Variants in SYNPO2 observed in about 807,000 individuals in gnomAD.
SYNPO2 encodes the protein synaptopodin-2.
Under a neutral mutation model 85.0 loss-of-function variants are expected in SYNPO2, and 56 were observed. That is an observed-to-expected ratio of 0.66 (90% CI 0.53 to 0.82). SYNPO2 has a LOEUF of 0.82. Among genes scored for constraint, SYNPO2 ranks in the 40% least tolerant of loss-of-function variants. The pLI, the probability that SYNPO2 is intolerant of heterozygous loss-of-function variation, is 0.00. For synonymous variants in SYNPO2, 602 were observed against 591.1 expected, an observed-to-expected ratio of 1.02 and a Z score of -0.27; for missense variants, 1,575 against 1,534.2, an observed-to-expected ratio of 1.03 and a Z score of -0.44.
At chr4:119,056,380 C>A (rs925719892) in intron 4 of SYNPO2, among the ~76,000 whole-genome samples, 2 of 151,684 alleles carry the variant, frequency 1.3e-5, no homozygotes, top group African/African-American at 2.4e-5. Flanking sequence ...ACAGGGAGAT[C>A]CTGTCTGTAA....
chr4:118,901,801 C>T (rs569787517), intron 1 of SYNPO2, among the ~76,000 whole-genome samples: 14 of 152,338 alleles, frequency 9.2e-5, no homozygotes, highest in African/African-American at 3.1e-4. Context: ...GTGGGAAGTA[C>T]ATAACTGTCT....
chr4:118,925,397 G>A (rs2149130319), intron 1 of SYNPO2, among the ~76,000 whole-genome samples: 1 of 152,066 alleles, frequency 6.6e-6, no homozygotes, highest in East Asian at 1.9e-4. Flanking sequence ...GTAACACCTT[G>A]TCATTTTTTT....
At chr4:119,012,142 T>G (rs1737332986) in intron 1 of SYNPO2, among the ~76,000 whole-genome samples, 2 of 151,838 alleles carry the variant, frequency 1.3e-5, no homozygotes, top group Non-Finnish European at 2.9e-5. Flanking sequence ...AGGCTGGTCT[T>G]GAACTCCTGA....
chr4:118,851,984 A>T (rs1221229799), intron 1 of SYNPO2, among the ~76,000 whole-genome samples: 2 of 152,230 alleles, frequency 1.3e-5, no homozygotes, highest in Non-Finnish European at 2.9e-5. Context: ...GCAATGTGGA[A>T]TCTGAAACCA....
At chr4:119,039,452 T>G (rs1467703245) in intron 4 of SYNPO2, among the ~76,000 whole-genome samples, 1 of 152,176 alleles carries the variant, frequency 6.6e-6, no homozygotes, top group East Asian at 1.9e-4. Flanking sequence ...TAAGAAATAG[T>G]GCAACATCTT....
intron 1 of SYNPO2, among the ~76,000 whole-genome samples, chr4:118,982,891 T>C (rs1365344575): frequency 6.6e-6 from 1 of 152,186 alleles, no homozygotes; most frequent in African/African-American, 2.4e-5. Flanking sequence ...AGCACAGTTC[T>C]TTTGAGACTG....
intron 1 of SYNPO2, among the ~76,000 whole-genome samples, chr4:119,007,023 A>G (rs901857780): frequency 4.0e-5 from 6 of 151,042 alleles, no homozygotes; most frequent in Non-Finnish European, 4.4e-5. Context: ...GGTTATGGAC[A>G]TCACATTAGG....
At chr4:118,905,540 A>G (rs1028407150) in intron 1 of SYNPO2, among the ~76,000 whole-genome samples, 2 of 152,312 alleles carry the variant, frequency 1.3e-5, no homozygotes, top group South Asian at 2.1e-4. Context: ...GTAAAAACAT[A>G]GTATGGAAAG....
chr4:119,031,897 C>T lies in SYNPO2; in HGVS notation c.3122C>T (p.Ser1041Phe), dbSNP rs778731106. ...CCTCCTTCCTTCTTTGCAGAGGCCTCCTCACCAGTCAGTGCATCCCCAGTG... is the reference window on the plus strand; with the variant it reads ...CCTCCTTCCTTCTTTGCAGAGGCCTTCTCACCAGTCAGTGCATCCCCAGTG... ...TSPPSFFAEASSPVSASPVPV... is the reference protein window; with the variant it reads ...TSPPSFFAEAFSPVSASPVPV... Residue 1041 changes from serine to phenylalanine, a missense_variant, in exon 4 of 5, where the codon TCC (serine) becomes TTC (phenylalanine). Ser to Phe is a radical substitution (Grantham distance 155). Coordinates refer to ENST00000307142, the MANE Select transcript of SYNPO2 (RefSeq NM_133477.3). 1 of 1,614,232 alleles carries T rather than the reference C, an allele frequency of 6.2e-7. No individual in the cohort carries two copies. The highest frequency in any genetic ancestry group is 1.7e-5 in the Admixed American group (1 of 60,026).
At chr4:119,032,196 A>G (rs1472513587) in intron 4 of SYNPO2, 169 bp downstream of exon 4, 15 of 1,441,380 alleles carry the variant, frequency 1.0e-5, no homozygotes, top group Non-Finnish European at 1.4e-5. Flanking sequence ...TCCAAGGAGT[A>G]TAATATTTTT....
intron 1 of SYNPO2, among the ~76,000 whole-genome samples, chr4:118,902,209 T>C (rs1732778231): frequency 6.6e-6 from 1 of 152,212 alleles, no homozygotes; most frequent in African/African-American, 2.4e-5. Flanking sequence ...AACTTTGCAA[T>C]GTGGTCTTCA....
Position 119,057,450 on chromosome 4 carries a change from T to C in SYNPO2, c.3302T>C (p.Ile1101Thr), listed in dbSNP as rs755487688. The part of the protein sequence containing the change: ...SLPGRSVPPP[I>T]STSPWVYQPT... Reference sequence around the variant, plus strand: ...CCTGGAAGATCAGTCCCACCCCCCATTTCTACATCTCCTTGGGTATACCAG... The same window carrying C: ...CCTGGAAGATCAGTCCCACCCCCCACTTCTACATCTCCTTGGGTATACCAG... The change falls in exon 5 of 5, where the codon ATT (isoleucine) becomes ACT (threonine). Residue 1101 changes from isoleucine to threonine, a missense_variant. By Grantham distance (89) the Ile-to-Thr change is moderately conservative. Transcript: ENST00000307142. The C allele has an allele frequency of 1.7e-5, 28 of 1,613,356 alleles. No homozygotes were observed. The highest frequency in any genetic ancestry group is 2.2e-5 in the Non-Finnish European group (26 of 1,179,810).
intron 2 of SYNPO2, among the ~76,000 whole-genome samples, chr4:119,024,949 T>C (rs1009862075): frequency 6.6e-6 from 1 of 152,238 alleles, no homozygotes; most frequent in Non-Finnish European, 1.5e-5. Context: ...ATTCCATCTC[T>C]ATTATCTTGA....
At chr4:119,043,135 T>A (rs956735676) in intron 4 of SYNPO2, 1 of 152,268 alleles carries the variant, frequency 6.6e-6, no homozygotes, top group Non-Finnish European at 1.5e-5. Flanking sequence ...CAGGCTAGAG[T>A]GCAGTGGCAC....
At chr4:118,857,581 T>A (rs9884820) in intron 1 of SYNPO2, among the ~76,000 whole-genome samples, 71,584 of 151,290 alleles carry the variant, frequency 0.47, 18,047 homozygotes, top group African/African-American at 0.64. Context: ...GAATTTTTTT[T>A]AAAAAAATCA....
intron 1 of SYNPO2, among the ~76,000 whole-genome samples, chr4:118,867,292 A>G (rs1369625334): frequency 6.6e-6 from 1 of 152,214 alleles, no homozygotes; most frequent in African/African-American, 2.4e-5. Flanking sequence ...ACCTAAAAAT[A>G]TATATTGAAC....
intron 1 of SYNPO2, among the ~76,000 whole-genome samples, chr4:118,950,297 C>T (rs72671630): frequency 0.11 from 16,508 of 152,112 alleles, 1,113 homozygotes; most frequent in East Asian, 0.26. Context: ...TCAGTTATAG[C>T]GAGGCCAACA....
At chr4:118,913,559 TTGTTTG>T (rs1026973105) in intron 1 of SYNPO2, among the ~76,000 whole-genome samples, 5 of 122,662 alleles carry the variant, frequency 4.1e-5, no homozygotes, top group Non-Finnish European at 8.7e-5. Context: ...CTTTCATTTA[TTGTTTG>T]TGTGTGTGTG....
chr4:118,879,809 A>T (rs1453530244), intron 1 of SYNPO2, among the ~76,000 whole-genome samples: 1 of 152,048 alleles, frequency 6.6e-6, no homozygotes, highest in Non-Finnish European at 1.5e-5. Context: ...CTTTTGTGAC[A>T]TGCGTGTGGC....
Sources: allele counts gnomAD v4.1 joint callset (sites outside exome capture counted in the v4.1 genomes callset), GRCh38; gene constraint gnomAD v4.1.1; transcripts MANE v1.5; gene names NCBI Gene and HGNC (gene_info 2026-07-23, HGNC 2026-07-21).